Variants in MYO5B observed in about 807,000 individuals in gnomAD.
MYO5B encodes unconventional myosin-Vb.
Under a neutral mutation model 229.3 loss-of-function variants are expected in MYO5B, and 143 were observed. The ratio of observed to expected loss-of-function variants is 0.62; its 90% confidence interval spans 0.54 to 0.72. The LOEUF (loss-of-function observed/expected upper bound fraction) is 0.72. MYO5B is among the 30% of genes least tolerant of loss of function. The pLI is 0.00. For missense variants in MYO5B, 2,321 were observed against 2,331.0 expected (o/e 1.00, Z 0.09); for synonymous variants, 918 against 885.2 (o/e 1.04, Z -0.66).
At chr18:50,123,066 A>C (rs1274360437) in intron 1 of MYO5B, among the ~76,000 whole-genome samples, 7 of 152,222 alleles carry the variant, frequency 4.6e-5, no homozygotes. Context: ...AAACAACCCA[A>C]GTGTCTATCA....
rs1187680496 is a variant in MYO5B, at chr18:49,824,848, A to C, written c.*1623T>G. The stretch of plus-strand genomic sequence containing the variant: ...GTTTAATGTGGATGTAGAGGGGATA[A>C]TGCCCATGACAACTGATTGGAACAC... On this transcript the variant is annotated 3_prime_UTR_variant, in exon 40 of 40. Transcript: ENST00000285039. 1 of 152,228 alleles carries C rather than the reference A, an allele frequency of 6.6e-6. No homozygotes were observed. The highest frequency in any genetic ancestry group is 2.4e-5 in the African/African-American group (1 of 41,460). 9.4% of individuals were successfully genotyped at this position (152,228 alleles called of 1,614,324 possible).
intron 17 of MYO5B, among the ~76,000 whole-genome samples, chr18:49,927,989 A>G (rs2025148527): frequency 6.6e-6 from 1 of 152,054 alleles, no homozygotes; most frequent in African/African-American, 2.4e-5. Flanking sequence ...TGCAATCTAT[A>G]CATCCAACAA....
chr18:50,063,065 C>T (rs2144431652), intron 1 of MYO5B, among the ~76,000 whole-genome samples: 1 of 152,242 alleles, frequency 6.6e-6, no homozygotes, highest in Non-Finnish European at 1.5e-5. Flanking sequence ...GACTCAGGCC[C>T]TGGGAGTGAA....
intron 14 of MYO5B, among the ~76,000 whole-genome samples, chr18:49,944,732 C>T (rs2025352225): frequency 1.3e-5 from 2 of 152,164 alleles, no homozygotes; most frequent in Admixed American, 1.3e-4. Context: ...CTTCTATCCA[C>T]CAAGCATACA....
intron 4 of MYO5B, among the ~76,000 whole-genome samples, chr18:50,033,708 G>T (rs1337385532): frequency 2.0e-5 from 3 of 152,102 alleles, no homozygotes; most frequent in Non-Finnish European, 4.4e-5. Context: ...TTCCTCACAG[G>T]ATTCTCATGC....
chr18:49,866,623 C>T (rs1162542092), intron 27 of MYO5B, among the ~76,000 whole-genome samples: 1 of 152,196 alleles, frequency 6.6e-6, no homozygotes, highest in African/African-American at 2.4e-5. Flanking sequence ...TATTTTTGTG[C>T]ACCCAAATGC....
chr18:50,027,489 C>T (rs1160975430), intron 4 of MYO5B, among the ~76,000 whole-genome samples: 6 of 152,184 alleles, frequency 3.9e-5, no homozygotes, highest in Non-Finnish European at 1.5e-5. Flanking sequence ...AGTGAAGGAG[C>T]TTGACCCGGG....
chr18:50,087,106 G>T (rs2031346469), intron 1 of MYO5B, among the ~76,000 whole-genome samples: 1 of 152,166 alleles, frequency 6.6e-6, no homozygotes, highest in Non-Finnish European at 1.5e-5. Flanking sequence ...AGAACATGCA[G>T]CCATGGACAT....
intron 17 of MYO5B, among the ~76,000 whole-genome samples, chr18:49,916,479 G>A (rs1283678508): frequency 6.6e-6 from 1 of 152,224 alleles, no homozygotes; most frequent in East Asian, 1.9e-4. Context: ...GGGAGTTCAG[G>A]AGATGGGGCG....
intron 2 of MYO5B, among the ~76,000 whole-genome samples, chr18:50,053,690 T>A (rs1017953032): frequency 2.0e-5 from 3 of 152,166 alleles, no homozygotes; most frequent in Admixed American, 1.3e-4. Flanking sequence ...CGTTTTCTAA[T>A]AAGCTCATGT....
At position 49,856,849 on chromosome 18, in the gene MYO5B, A is replaced by C; in HGVS notation, c.3986T>G (p.Leu1329Arg). The change falls in exon 30 of 40, where the codon CTC becomes CGC. Residue 1329 changes from leucine (L) to arginine (R), a missense_variant. By Grantham distance (102) the Leu-to-Arg change is moderately radical. This residue lies in a region of MYO5B where 2,113 missense variants were observed against 2,044.7 expected (regional missense o/e 1.03). Coordinates refer to ENST00000285039, the MANE Select transcript of MYO5B (RefSeq NM_001080467.3). ...CTTTAGGCCTTGGTAGGCCAAGCCG[A>C]GTTCTCCATCTTCATTTAAATATCC... ...DWGYLNEDGELGLAYQGLKQV... is the reference protein window; with the variant it reads ...DWGYLNEDGERGLAYQGLKQV... 5 of 1,614,226 alleles carry C rather than the reference A, an allele frequency of 3.1e-6. No individual in the cohort carries two copies. The highest frequency in any genetic ancestry group is 4.2e-6 in the Non-Finnish European group (5 of 1,180,020).
chr18:50,095,656 G>A (rs889610790), intron 1 of MYO5B, among the ~76,000 whole-genome samples: 2 of 152,210 alleles, frequency 1.3e-5, no homozygotes, highest in African/African-American at 4.8e-5. Context: ...GAAAGAGTCA[G>A]AAATCAGTTA....
rs564151462 is a variant in MYO5B at position 49,825,087 on chromosome 18, A to C, written c.*1384T>G. 1.3e-5 allele frequency: 2 copies of C among 152,386 alleles called. No homozygotes were observed. Among genetic ancestry groups the C allele is most frequent in the African/African-American group, 4.8e-5 (2 of 41,598 alleles). The allele number at this position is 152,386 out of a possible 1,614,324, so 9.4% of individuals were successfully genotyped here. ...TGGATAAATCTTATTTTCTCAATGT[A>C]ATACAGAGGCTGTTCTTCCATGATT... On this transcript the variant is annotated 3_prime_UTR_variant, in exon 40 of 40. Transcript: ENST00000285039.
In MYO5B at chr18:50,062,981, TTAAA is replaced by T. The variant is rs1305696085; in HGVS notation, c.28-7607_28-7604del. Among the ~76,000 whole-genome samples, 6 of 152,266 alleles carry T rather than the reference TTAAA, an allele frequency of 3.9e-5. No individual in the cohort carries two copies. The East Asian group carries it at 1.2e-3, about 29-fold the overall frequency. ...TTCTGCACCAGGGTTGTTGTTAGGA[TTAAA>T]TAATGTATATGAAATATTTGGCCCA... On this transcript the variant is annotated intron_variant, in intron 1 of 39. Coordinates refer to ENST00000285039, the MANE Select transcript of MYO5B (RefSeq NM_001080467.3).
At chr18:49,902,325 A>G (rs549945869) in intron 21 of MYO5B, among the ~76,000 whole-genome samples, 1 of 152,202 alleles carries the variant, frequency 6.6e-6, no homozygotes, top group Non-Finnish European at 1.5e-5. Context: ...CTCACCCAGG[A>G]TACTCTTCCC....
chr18:49,937,696 C>A (rs1190788166), intron 14 of MYO5B, among the ~76,000 whole-genome samples: 1 of 152,036 alleles, frequency 6.6e-6, no homozygotes, highest in Non-Finnish European at 1.5e-5. Flanking sequence ...CATGGACACA[C>A]CTCAAAAAAA....
intron 1 of MYO5B, among the ~76,000 whole-genome samples, chr18:50,136,608 C>T (rs993219130): frequency 8.5e-5 from 13 of 152,088 alleles, no homozygotes; most frequent in Admixed American, 7.2e-4. Flanking sequence ...TGTGTGTGTA[C>T]AAACATGCAC....
In MYO5B at chr18:49,992,409, G is replaced by A. The variant is rs2025943359; in HGVS notation, c.635C>T (p.Thr212Ile). The A allele has an allele frequency of 4.3e-6, 7 of 1,613,970 alleles. No individual in the cohort carries two copies. Among genetic ancestry groups the A allele is most frequent in the Non-Finnish European group, 5.1e-6 (6 of 1,180,016 alleles). The part of the protein sequence containing the change: ...IMEAIGNAKT[T>I]RNDNSSRFGK... Reference sequence around the variant, plus strand: ...AAAACGGCTGCTGTTGTCATTGCGGGTGGTCTTGGCATTTCCAATGGCCTG... The same window carrying A: ...AAAACGGCTGCTGTTGTCATTGCGGATGGTCTTGGCATTTCCAATGGCCTG... The change falls in exon 6 of 40, where the codon ACC (threonine) becomes ATC (isoleucine). Residue 212 changes from threonine (T) to isoleucine (I), a missense_variant. Transcript: ENST00000285039.
chr18:49,991,794 G>C (rs2025936133), intron 6 of MYO5B, among the ~76,000 whole-genome samples: 1 of 152,098 alleles, frequency 6.6e-6, no homozygotes, highest in South Asian at 2.1e-4. Context: ...TGCACGTTCT[G>C]TACATGTATC....
Sources: gnomAD v4.1 joint callset for allele counts (sites outside exome capture counted in the v4.1 genomes callset) on GRCh38, gnomAD v4.1.1 for gene constraint, gnomAD v4.1.1 regional missense constraint, MANE v1.5 for transcripts, NCBI Gene and HGNC (gene_info 2026-07-23, HGNC 2026-07-21) for gene names.